The following OPRM1 variants were observed in gnomAD, a reference collection of about 807,000 sequenced individuals.
OPRM1 encodes the protein mu-type opioid receptor.
In OPRM1, 27 loss-of-function variants were observed where a neutral mutation model predicts 31.8. That is an observed-to-expected ratio of 0.85 (90% CI 0.63 to 1.17). OPRM1 has a LOEUF of 1.17. OPRM1 is among the 50% of genes most tolerant of loss of function. OPRM1 has a pLI of 0.00. For synonymous variants in OPRM1, 196 were observed against 189.9 expected, an observed-to-expected ratio of 1.03 and a Z score of -0.26; for missense variants, 536 against 511.1, an observed-to-expected ratio of 1.05 and a Z score of -0.47.
intron 3 of OPRM1, among the ~76,000 whole-genome samples, chr6:154,195,976 G>C (rs964474241): frequency 6.6e-6 from 1 of 151,778 alleles, no homozygotes. Flanking sequence ...ATTTTTAGTA[G>C]AGACAGGGTT....
chr6:154,148,307 G>A (rs1014963632), intron 3 of OPRM1, among the ~76,000 whole-genome samples: 2 of 152,216 alleles, frequency 1.3e-5, no homozygotes, highest in African/African-American at 4.8e-5. Context: ...GATGGAAGGG[G>A]TCCAAGCTAA....
intron 1 of OPRM1, among the ~76,000 whole-genome samples, chr6:154,058,417 G>T (rs1316699347): frequency 6.6e-6 from 1 of 152,100 alleles, no homozygotes; most frequent in East Asian, 1.9e-4. Flanking sequence ...AAACATTTTT[G>T]GAAAGATAAT....
intron 1 of OPRM1, among the ~76,000 whole-genome samples, chr6:154,079,454 C>T (rs185271976): frequency 1.2e-4 from 18 of 152,278 alleles, no homozygotes; most frequent in African/African-American, 2.9e-4. Flanking sequence ...GATAATCAGG[C>T]TCAGTCCAGG....
intron 3 of OPRM1, among the ~76,000 whole-genome samples, chr6:154,238,919 G>GTTT (rs202069850): frequency 6.8e-6 from 1 of 147,770 alleles, no homozygotes; most frequent in African/African-American, 2.5e-5. Flanking sequence ...ATTCTATATT[G>GTTT]TTGTTTTTTT....
At chr6:154,096,872 TAAG>T (rs1793486089) in intron 3 of OPRM1, among the ~76,000 whole-genome samples, 1 of 152,200 alleles carries the variant, frequency 6.6e-6, no homozygotes, top group Non-Finnish European at 1.5e-5. Flanking sequence ...TGTAAGTTCT[TAAG>T]AACTGCTCTA....
chr6:154,215,780 CA>C (rs995345626), intron 3 of OPRM1, among the ~76,000 whole-genome samples: 5 of 151,844 alleles, frequency 3.3e-5, no homozygotes, highest in African/African-American at 1.2e-4. Flanking sequence ...AACAGGAACC[CA>C]AAAATGTATA....
At chr6:154,163,766 T>G (rs542974181) in intron 3 of OPRM1, among the ~76,000 whole-genome samples, 6 of 152,238 alleles carry the variant, frequency 3.9e-5, no homozygotes, top group Non-Finnish European at 8.8e-5. Flanking sequence ...ATTTGGAGTC[T>G]GAGGAAATCC....
At chr6:154,057,965 G>GA (rs1413797365) in intron 1 of OPRM1, among the ~76,000 whole-genome samples, 33 of 152,146 alleles carry the variant, frequency 2.2e-4, no homozygotes, top group Admixed American at 2.2e-3. Flanking sequence ...CTATCTTTTA[G>GA]AAAAGGGCCA....
chr6:154,036,604 T>C (rs1779311555), upstream of OPRM1, among the ~76,000 whole-genome samples: 1 of 151,994 alleles, frequency 6.6e-6, no homozygotes, highest in Non-Finnish European at 1.5e-5. Flanking sequence ...CATAAGTCTA[T>C]ACATTTAAGT....
intron 1 of OPRM1, among the ~76,000 whole-genome samples, chr6:154,073,155 G>T (rs1244286442): frequency 6.6e-6 from 1 of 152,152 alleles, no homozygotes; most frequent in East Asian, 1.9e-4. Context: ...AAACTAAGAT[G>T]CTGAAAGAAT....
intron 1 of OPRM1, among the ~76,000 whole-genome samples, chr6:154,031,155 C>T (rs1778985471): frequency 1.3e-5 from 2 of 152,144 alleles, no homozygotes; most frequent in African/African-American, 4.8e-5. Context: ...CTATAAATCT[C>T]ATTTCAAAAA....
chr6:154,201,207 T>C (rs889103423), intron 3 of OPRM1, among the ~76,000 whole-genome samples: 3 of 152,242 alleles, frequency 2.0e-5, no homozygotes, highest in Non-Finnish European at 2.9e-5. Flanking sequence ...CAGTCTCTGA[T>C]AGTTCTTTAC....
chr6:154,045,345 C>T (rs1780913843), intron 1 of OPRM1, among the ~76,000 whole-genome samples: 1 of 152,164 alleles, frequency 6.6e-6, no homozygotes, highest in South Asian at 2.1e-4. Flanking sequence ...TAATGTTTAT[C>T]TGACTGAAAT....
intron 3 of OPRM1, among the ~76,000 whole-genome samples, chr6:154,145,004 T>C (rs1798322330): frequency 6.6e-6 from 1 of 151,990 alleles, no homozygotes; most frequent in African/African-American, 2.4e-5. Flanking sequence ...TTAAAAAATA[T>C]ATATACCAAA....
At chr6:154,018,322 A>G (rs966281753) in intron 1 of OPRM1, among the ~76,000 whole-genome samples, 3 of 152,150 alleles carry the variant, frequency 2.0e-5, no homozygotes, top group Non-Finnish European at 2.9e-5. Context: ...TGGGAGGCTG[A>G]GGAACGAGAA....
Position 154,211,066 on chromosome 6 carries a change from T to C in OPRM1, c.1165-35627T>C, listed in dbSNP as rs527450827. ...GGTAAGTGAATGAGCTACTGTAACC[T>C]GTCAGAACTTGCCATCATTTGGGTC... On this transcript the variant is annotated intron_variant, in intron 3 of 3. Transcript: ENST00000337049. 1.3e-4 allele frequency among the ~76,000 whole-genome samples: 20 copies of C among 152,308 alleles called. 1 individual carries two copies. In the South Asian group the frequency reaches 3.9e-3, roughly 30 times the overall value.
At chr6:154,169,594 G>A (rs1799709781) in intron 3 of OPRM1, among the ~76,000 whole-genome samples, 1 of 152,200 alleles carries the variant, frequency 6.6e-6, no homozygotes, top group Non-Finnish European at 1.5e-5. Flanking sequence ...CCCTTGGAGA[G>A]AAGAAACCTG....
rs1432301247 is a variant in OPRM1, at chr6:154,039,516, AC to A, written c.-28del. 2 of 1,592,694 alleles carry A rather than the reference AC, an allele frequency of 1.3e-6. No individual in the cohort carries two copies. Among genetic ancestry groups the A allele is most frequent in the South Asian group, 2.3e-5 (2 of 87,964 alleles). ...GTCTCGGTGCTCCTGGCTACCTCGC[AC>A]AGCGGTGCCCGCCCGGCCGTCAGTA... On this transcript the variant is annotated 5_prime_UTR_variant, in exon 1 of 4. Transcript: ENST00000330432.
At chr6:154,167,907 G>T in intron 3 of OPRM1, 1 of 1,562,478 alleles carries the variant, frequency 6.4e-7, no homozygotes, top group Admixed American at 1.7e-5. Context: ...TCCACAATTT[G>T]AAATTTTGTT....
Sources: gnomAD v4.1 joint callset for allele counts (sites outside exome capture counted in the v4.1 genomes callset) on GRCh38, gnomAD v4.1.1 for gene constraint, MANE v1.5 for transcripts, NCBI Gene and HGNC (gene_info 2026-07-23, HGNC 2026-07-21) for gene names.